The following TDRD7 variants were observed in gnomAD, a reference collection of about 807,000 sequenced individuals.
TDRD7 encodes the protein tudor domain containing 7.
A neutral mutation model predicts 109.8 loss-of-function variants in TDRD7; 47 were observed. The ratio of observed to expected loss-of-function variants is 0.43; its 90% CI spans 0.34 to 0.55. The LOEUF is 0.55. TDRD7 is among the 20% of genes least tolerant of loss of function. The pLI is 0.03. For synonymous variants in TDRD7, 424 were observed against 457.3 expected, an observed-to-expected ratio of 0.93 and a Z score of 0.93; for missense variants, 1,164 against 1,319.2, an observed-to-expected ratio of 0.88 and a Z score of 1.82.
rs372232770 is a variant in TDRD7, at chr9:97,460,497, A to G, written c.1175A>G (p.Tyr392Cys). The G allele has an allele frequency of 8.7e-6, 14 of 1,614,214 alleles. No homozygotes were observed. Among genetic ancestry groups the G allele is most frequent in the East Asian group, 2.2e-5 (1 of 44,872 alleles). Residue 392 changes from tyrosine (Y) to cysteine (C), a missense_variant, in exon 7 of 17, where the codon TAC becomes TGC. Physicochemically the swap from Tyr to Cys is radical, Grantham distance 194. Around this residue, in one of 5 missense-constraint regions of TDRD7, gnomAD observed 407 missense variants for 394.0 expected, o/e 1.03. Transcript: ENST00000355295. The part of the protein sequence containing the change: ...ASLSDVCSID[Y>C]ISGNPQKAIL... ...CTTTCTGATGTATGCAGCATAGACT[A>G]CATTTCTGGAAATCCCCAGAAGGCC...
At chr9:97,451,032 G>A (rs1188803562) in intron 6 of TDRD7, among the ~76,000 whole-genome samples, 1 of 151,934 alleles carries the variant, frequency 6.6e-6, no homozygotes, top group East Asian at 1.9e-4. Context: ...ACCAACCTCT[G>A]GGGAAGGTAG....
chr9:97,475,858 G>A (rs4073033), intron 12 of TDRD7, among the ~76,000 whole-genome samples: 81,293 of 151,998 alleles, frequency 0.53, 21,955 homozygotes, highest in African/African-American at 0.61. Context: ...CAAACTTTAT[G>A]TAAGTTGTAA....
intron 6 of TDRD7, among the ~76,000 whole-genome samples, chr9:97,457,957 G>A (rs1828648328): frequency 6.6e-6 from 1 of 152,114 alleles, no homozygotes; most frequent in Admixed American, 6.5e-5. Flanking sequence ...ACAGAGAGGG[G>A]AACAACACTT....
chr9:97,478,609 A>G (rs1426719276), intron 13 of TDRD7, 36 bp downstream of exon 13: 26 of 1,613,106 alleles, frequency 1.6e-5, no homozygotes, highest in East Asian at 4.5e-5. Context: ...TTGCTGGAAC[A>G]GATTTGGATG....
At chr9:97,444,478 A>G (rs1828365558) in intron 6 of TDRD7, among the ~76,000 whole-genome samples, 1 of 152,230 alleles carries the variant, frequency 6.6e-6, no homozygotes, top group South Asian at 2.1e-4. Flanking sequence ...CACAATGGTT[A>G]TTTTCCCCCT....
intron 3 of TDRD7, 121 bp from the exon 4 acceptor site, chr9:97,431,904 T>A: frequency 4.4e-6 from 4 of 919,154 alleles, no homozygotes; most frequent in Non-Finnish European, 7.2e-6. Context: ...AACCTCCTCG[T>A]GTTCTTACAA....
In TDRD7 at chr9:97,451,136, G is replaced by GC. The variant is rs542064828; in HGVS notation, c.856-9041dup. Among the ~76,000 whole-genome samples, 20 of 152,184 alleles carry GC rather than the reference G, an allele frequency of 1.3e-4. No homozygotes were observed. The East Asian group carries it at 3.9e-3, about 29-fold the overall frequency. On this transcript the variant is annotated intron_variant, in intron 6 of 16. Coordinates refer to ENST00000355295, the MANE Select transcript of TDRD7 (RefSeq NM_014290.3). ...TCCCTAAAAACCCAAAGCAGGAAGA[G>GC]CTTCCAGATAGCCAAACATATGGAG...
At chr9:97,481,627 CTT>C (rs1320546787) in intron 14 of TDRD7, among the ~76,000 whole-genome samples, 1 of 152,082 alleles carries the variant, frequency 6.6e-6, no homozygotes, top group Non-Finnish European at 1.5e-5. Context: ...ATTTTTCTGT[CTT>C]TGTATTCCTC....
At chr9:97,461,318 T>C (rs778014663) in intron 7 of TDRD7, among the ~76,000 whole-genome samples, 35 of 152,234 alleles carry the variant, frequency 2.3e-4, no homozygotes, top group Non-Finnish European at 4.0e-4. Flanking sequence ...AGCTTGTTGG[T>C]AACTATATTA....
chr9:97,470,386 C>T (rs1044811738), intron 8 of TDRD7, among the ~76,000 whole-genome samples, 172 bp from the exon 9 acceptor site: 3 of 152,118 alleles, frequency 2.0e-5, no homozygotes, highest in Admixed American at 2.0e-4. Context: ...TTGGTCTCAG[C>T]TCCAGCCTTT....
At chr9:97,481,677 A>G (rs1829119117) in intron 14 of TDRD7, among the ~76,000 whole-genome samples, 1 of 152,188 alleles carries the variant, frequency 6.6e-6, no homozygotes, top group South Asian at 2.1e-4. Context: ...TTAATTATAT[A>G]CTATTCCATA....
chr9:97,472,678 A>G (rs534250187), intron 10 of TDRD7, among the ~76,000 whole-genome samples, 183 bp downstream of exon 10: 1 of 152,286 alleles, frequency 6.6e-6, no homozygotes, highest in African/African-American at 2.4e-5. Context: ...ATTGTTTCTT[A>G]GGAACTGGAT....
chr9:97,416,136 A>C (rs183201904), intron 1 of TDRD7, among the ~76,000 whole-genome samples: 36 of 152,368 alleles, frequency 2.4e-4, no homozygotes, highest in African/African-American at 8.2e-4. Flanking sequence ...GGAGACCCAC[A>C]GTCTTATACT....
chr9:97,490,034 G>T (rs1224140374), intron 16 of TDRD7, among the ~76,000 whole-genome samples: 3 of 151,054 alleles, frequency 2.0e-5, no homozygotes, highest in African/African-American at 7.3e-5. Context: ...GTGCACACGT[G>T]CACACACACA....
At chr9:97,442,354 G>A (rs1191994843) in intron 6 of TDRD7, among the ~76,000 whole-genome samples, 1 of 151,914 alleles carries the variant, frequency 6.6e-6, no homozygotes, top group African/African-American at 2.4e-5. Context: ...ATTAATAATA[G>A]TGTTTATATT....
chr9:97,457,595 G>A (rs1348377808), intron 6 of TDRD7, among the ~76,000 whole-genome samples: 1 of 152,086 alleles, frequency 6.6e-6, no homozygotes, highest in Non-Finnish European at 1.5e-5. Flanking sequence ...GGCCAGGCTG[G>A]TCTCGAACTC....
chr9:97,470,349 G>A (rs1368533662), intron 8 of TDRD7, among the ~76,000 whole-genome samples: 2 of 152,240 alleles, frequency 1.3e-5, no homozygotes, highest in East Asian at 3.9e-4. Flanking sequence ...AGAAGACTGG[G>A]ACCTGGAACT....
chr9:97,484,392 TC>T (rs1482426837), intron 15 of TDRD7, among the ~76,000 whole-genome samples: 1 of 152,094 alleles, frequency 6.6e-6, no homozygotes, highest in African/African-American at 2.4e-5. Flanking sequence ...CCCATCCTGT[TC>T]CTTTGCCAGC....
chr9:97,424,988 C>T (rs1244939459), intron 1 of TDRD7, among the ~76,000 whole-genome samples: 1 of 151,980 alleles, frequency 6.6e-6, no homozygotes, highest in Admixed American at 6.6e-5. Flanking sequence ...TTTACAATAT[C>T]CCTCTTTATC....
Sources: gnomAD v4.1 joint callset for allele counts (sites outside exome capture counted in the v4.1 genomes callset) on GRCh38, gnomAD v4.1.1 for gene constraint, gnomAD v4.1.1 regional missense constraint, MANE v1.5 for transcripts, NCBI Gene and HGNC (gene_info 2026-07-23, HGNC 2026-07-21) for gene names.